Variants in RNF144A observed in about 807,000 individuals in gnomAD.
The protein encoded by RNF144A is ring finger protein 144A, also known as E3 ubiquitin-protein ligase RNF144A.
Under a neutral mutation model 38.7 loss-of-function variants are expected in RNF144A, and 11 were observed. That is an observed-to-expected ratio of 0.28 (90% CI 0.18 to 0.47). The LOEUF (loss-of-function observed/expected upper bound fraction) is 0.47. RNF144A is among the 20% of genes least tolerant of loss of function. The pLI is 0.99. For synonymous variants in RNF144A, 149 were observed against 143.9 expected (o/e 1.04, Z -0.25); for missense variants, 316 against 377.2 (o/e 0.84, Z 1.34).
intron 6 of RNF144A, among the ~76,000 whole-genome samples, chr2:7,056,761 C>G (rs769397585): frequency 1.1e-4 from 17 of 152,346 alleles, no homozygotes; most frequent in Admixed American, 3.9e-4. Context: ...GTCTCCCCCC[C>G]AGTTGTGGCC....
At chr2:7,021,227 A>G (rs1671511126) in intron 6 of RNF144A, among the ~76,000 whole-genome samples, 1 of 152,142 alleles carries the variant, frequency 6.6e-6, no homozygotes, top group Admixed American at 6.5e-5. Flanking sequence ...TAGGAAATTC[A>G]TCATATCCAG....
intron 1 of RNF144A, among the ~76,000 whole-genome samples, chr2:6,936,182 C>T (rs550215693): frequency 6.6e-6 from 1 of 152,292 alleles, no homozygotes; most frequent in African/African-American, 2.4e-5. Flanking sequence ...TCATTTCATC[C>T]AGGACTCACT....
At chr2:6,955,729 C>T (rs1238531168) in intron 2 of RNF144A, among the ~76,000 whole-genome samples, 2 of 152,166 alleles carry the variant, frequency 1.3e-5, no homozygotes, top group Non-Finnish European at 2.9e-5. Context: ...GTCTCCTGGA[C>T]TGGAAAAGCC....
intron 6 of RNF144A, 100 bp from the exon 7 acceptor site, chr2:7,024,269 T>C: frequency 9.4e-7 from 1 of 1,058,674 alleles, no homozygotes; most frequent in Non-Finnish European, 1.3e-6. Flanking sequence ...CCAAGAAAAC[T>C]CAGTCTGTGA....
chr2:6,940,144 A>C (rs188888600), intron 1 of RNF144A, among the ~76,000 whole-genome samples: 1 of 152,272 alleles, frequency 6.6e-6, no homozygotes, highest in Non-Finnish European at 1.5e-5. Flanking sequence ...CCAATTAATC[A>C]ATCTGTTAAT....
intron 2 of RNF144A, among the ~76,000 whole-genome samples, chr2:6,983,204 G>T (rs1298006244): frequency 6.6e-6 from 1 of 152,188 alleles, no homozygotes; most frequent in Non-Finnish European, 1.5e-5. Context: ...CCTTCCTTGT[G>T]TGAGCTGTTT....
In RNF144A at chr2:7,042,483, G is replaced by A. The variant is rs1177860756; in HGVS notation, c.*2723G>A. On this transcript the variant is annotated 3_prime_UTR_variant, in exon 9 of 9. Coordinates refer to ENST00000320892, the MANE Select transcript of RNF144A (RefSeq NM_014746.6). ...CCTTTAATCCTGGGGAGTAAGGGGC[G>A]AAGGCCCTTAGACAACCATGGCTGC... 1.8e-5 allele frequency: 18 copies of A among 985,408 alleles called. No individual in the cohort carries two copies. Among genetic ancestry groups the A allele is most frequent in the Non-Finnish European group, 2.0e-5 (17 of 829,980 alleles). The allele number at this position is 985,408 out of a possible 1,614,324, so 61.0% of individuals were successfully genotyped here.
chr2:7,030,257 C>CTGTGTGTGTGTGTGTGTGTGTG (rs58324246), intron 8 of RNF144A, 42 bp downstream of exon 8: 2 of 694,904 alleles, frequency 2.9e-6, no homozygotes, highest in Non-Finnish European at 4.8e-6. Flanking sequence ...CAGAGAGAGA[C>CTGTGTGTGTGTGTGTGTGTGTG]TGTGTGTGTG....
rs542585929 is a variant in RNF144A, at chr2:6,963,302, G to C, written c.-12+22155G>C. On this transcript the variant is annotated intron_variant, in intron 2 of 8. Transcript: ENST00000320892. ...AGGTAGGTGAATCTCCAATGATTTG[G>C]GGGGCATGAAAGTTAATATGCAACA... Among the ~76,000 whole-genome samples, 48 of 152,272 alleles carry C rather than the reference G, an allele frequency of 3.2e-4. 1 individual carries two copies. The highest frequency in any genetic ancestry group is 1.2e-3 in the African/African-American group (48 of 41,544).
intron 5 of RNF144A, among the ~76,000 whole-genome samples, chr2:7,016,288 T>C (rs1237332736): frequency 6.6e-6 from 1 of 152,146 alleles, no homozygotes; most frequent in African/African-American, 2.4e-5. Context: ...CAAAAGTCAG[T>C]ACGTAGGGCA....
chr2:7,001,970 A>G (rs1384870034), intron 3 of RNF144A, among the ~76,000 whole-genome samples: 1 of 152,198 alleles, frequency 6.6e-6, no homozygotes, highest in Non-Finnish European at 1.5e-5. Context: ...AATGGGTATA[A>G]AGTATTGAGC....
intron 3 of RNF144A, among the ~76,000 whole-genome samples, chr2:7,006,168 C>T (rs567787507): frequency 4.0e-4 from 61 of 152,140 alleles, no homozygotes; most frequent in African/African-American, 1.3e-3. Context: ...AACAGCTTGA[C>T]GAGGGTCTGG....
At chr2:7,026,647 G>T (rs1169903470) in intron 7 of RNF144A, among the ~76,000 whole-genome samples, 1 of 152,192 alleles carries the variant, frequency 6.6e-6, no homozygotes, top group African/African-American at 2.4e-5. Context: ...GCCCCGTGCG[G>T]ATCATTTGGA....
intron 1 of RNF144A, among the ~76,000 whole-genome samples, chr2:6,928,047 G>A (rs1664986861): frequency 6.6e-6 from 1 of 152,122 alleles, no homozygotes; most frequent in South Asian, 2.1e-4. Context: ...CACTAGGCAC[G>A]TCCTACATGC....
chr2:7,059,708 A>G (rs1445209645), intron 6 of RNF144A, among the ~76,000 whole-genome samples: 1 of 152,108 alleles, frequency 6.6e-6, no homozygotes, highest in African/African-American at 2.4e-5. Flanking sequence ...AGAAATCTCA[A>G]TAAACTCTAA....
intron 1 of RNF144A, among the ~76,000 whole-genome samples, chr2:6,931,004 A>G (rs1455899252): frequency 2.0e-5 from 3 of 152,214 alleles, no homozygotes; most frequent in Non-Finnish European, 4.4e-5. Context: ...AATAAACTGG[A>G]CAAAGCCATG....
intron 8 of RNF144A, among the ~76,000 whole-genome samples, chr2:7,035,754 C>G (rs1479757971): frequency 1.3e-5 from 2 of 152,120 alleles, no homozygotes; most frequent in Non-Finnish European, 2.9e-5. Context: ...GGGGGAATTC[C>G]AACGTGTCTC....
chr2:6,968,031 G>T (rs762719947), intron 2 of RNF144A, among the ~76,000 whole-genome samples: 1 of 152,180 alleles, frequency 6.6e-6, no homozygotes, highest in Non-Finnish European at 1.5e-5. Context: ...TGGAGTAGGG[G>T]AAGTGGTGTC....
chr2:7,004,458 C>T (rs1219091856), intron 3 of RNF144A, among the ~76,000 whole-genome samples: 1 of 152,198 alleles, frequency 6.6e-6, no homozygotes, highest in African/African-American at 2.4e-5. Flanking sequence ...TCTGGCCCGA[C>T]TCTAGGATCC....
Sources: gnomAD v4.1 joint callset for allele counts (sites outside exome capture counted in the v4.1 genomes callset) on GRCh38, gnomAD v4.1.1 for gene constraint, MANE v1.5 for transcripts, NCBI Gene and HGNC (gene_info 2026-07-23, HGNC 2026-07-21) for gene names.